Variants in ALK observed in about 807,000 individuals in gnomAD.
ALK encodes the protein ALK receptor tyrosine kinase, also known as ALK tyrosine kinase receptor.
A neutral mutation model predicts 163.1 loss-of-function variants in ALK; 74 were observed. That is an observed-to-expected ratio of 0.45 (90% confidence interval 0.38 to 0.55). The LOEUF (loss-of-function observed/expected upper bound fraction) is 0.55. ALK is among the 20% of genes least tolerant of loss of function. ALK has a pLI of 0.00. For missense variants in ALK, 2,063 were observed against 2,105.3 expected, an observed-to-expected ratio of 0.98 and a Z score of 0.39; for synonymous variants, 960 against 843.2, an observed-to-expected ratio of 1.14 and a Z score of -2.40.
chr2:29,607,323 C>T (rs1257914235), intron 3 of ALK, among the ~76,000 whole-genome samples: 1 of 152,146 alleles, frequency 6.6e-6, no homozygotes, highest in Non-Finnish European at 1.5e-5. Flanking sequence ...ACTTTCTCTC[C>T]TTACTGGATC....
intron 1 of ALK, among the ~76,000 whole-genome samples, chr2:29,845,136 A>G (rs1665808289): frequency 6.6e-6 from 1 of 152,218 alleles, no homozygotes; most frequent in African/African-American, 2.4e-5. Flanking sequence ...CAAGTGGATC[A>G]GGGCTAACAT....
intron 4 of ALK, among the ~76,000 whole-genome samples, chr2:29,470,493 GACACATTACCTCCAA>G (rs1671322724): frequency 6.6e-6 from 1 of 152,134 alleles, no homozygotes; most frequent in Non-Finnish European, 1.5e-5. Context: ...GAGAGGAAAA[GACACATTACCTCCAA>G]ACAAGCATTG....
At position 29,443,830 on chromosome 2, in the gene ALK, T is replaced by C. The variant is rs550969170; in HGVS notation, c.1155-59971A>G. ...CGTGTAGCCTTATAAATACAGGAAGTCCTTATGCCCCAGGCACTCTGAGAG... is the reference window on the plus strand; with the variant it reads ...CGTGTAGCCTTATAAATACAGGAAGCCCTTATGCCCCAGGCACTCTGAGAG... On this transcript the variant is annotated intron_variant, in intron 4 of 28. Transcript: ENST00000389048. 1.5e-4 allele frequency among the ~76,000 whole-genome samples: 23 copies of C among 152,246 alleles called. No homozygotes were observed. The South Asian group carries it at 3.3e-3, about 22-fold the overall frequency.
intron 3 of ALK, among the ~76,000 whole-genome samples, chr2:29,546,443 G>A (rs1673556415): frequency 6.6e-6 from 1 of 152,220 alleles, no homozygotes; most frequent in African/African-American, 2.4e-5. Flanking sequence ...TGACTAGAAG[G>A]AGAAAGGGGA....
intron 3 of ALK, among the ~76,000 whole-genome samples, chr2:29,594,870 G>A (rs1187697343): frequency 9.1e-6 from 1 of 110,250 alleles, no homozygotes; most frequent in Non-Finnish European, 1.7e-5. Flanking sequence ...GTGAAGCTGA[G>A]ACCTCTATTT....
intron 3 of ALK, among the ~76,000 whole-genome samples, chr2:29,649,979 G>A (rs1484495976): frequency 6.6e-6 from 1 of 152,110 alleles, no homozygotes; most frequent in Non-Finnish European, 1.5e-5. Flanking sequence ...AGAGGACAGA[G>A]ACCCTTTGGG....
chr2:29,556,478 T>G (rs551403477), intron 3 of ALK, among the ~76,000 whole-genome samples: 3 of 152,326 alleles, frequency 2.0e-5, no homozygotes, highest in African/African-American at 4.8e-5. Flanking sequence ...AAGACAACTT[T>G]CAATGACGAG....
intron 5 of ALK, among the ~76,000 whole-genome samples, chr2:29,381,641 C>T (rs1449127745): frequency 6.6e-6 from 1 of 152,210 alleles, no homozygotes; most frequent in Non-Finnish European, 1.5e-5. Flanking sequence ...TGCAGACCTT[C>T]CTACAGTCCT....
At position 29,506,536 on chromosome 2, in the gene ALK, G is replaced by A. The variant is rs369052344; in HGVS notation, c.1154+25379C>T. ...CCGAGGCGGGTGGATCATGAGGTCG[G>A]GAGATTGAGACCATCCTGGCCAACA... On this transcript the variant is annotated intron_variant, in intron 4 of 28. Coordinates refer to ENST00000389048, the MANE Select transcript of ALK (RefSeq NM_004304.5). Among the ~76,000 whole-genome samples, 3 of 152,194 alleles carry A rather than the reference G, an allele frequency of 2.0e-5. No individual in the cohort carries two copies. The East Asian group carries it at 5.8e-4, about 29-fold the overall frequency.
intron 11 of ALK, among the ~76,000 whole-genome samples, chr2:29,252,589 T>A (rs1034660542): frequency 6.6e-6 from 1 of 152,190 alleles, no homozygotes; most frequent in Non-Finnish European, 1.5e-5. Flanking sequence ...TGGGTTTTTG[T>A]CATGCTGCCC....
chr2:29,533,474 C>T (rs1384796382), intron 3 of ALK, among the ~76,000 whole-genome samples: 2 of 152,190 alleles, frequency 1.3e-5, no homozygotes, highest in African/African-American at 2.4e-5. Flanking sequence ...GATTTCTGGA[C>T]TTCTAAGCAG....
chr2:29,679,721 GAGA>G (rs1678004077), intron 3 of ALK, among the ~76,000 whole-genome samples: 1 of 109,806 alleles, frequency 9.1e-6, no homozygotes, highest in Non-Finnish European at 2.2e-5. Context: ...AAGATGTTAA[GAGA>G]AGAATAAGAA....
chr2:29,234,914 T>C (rs1664327414), intron 13 of ALK, among the ~76,000 whole-genome samples: 1 of 152,244 alleles, frequency 6.6e-6, no homozygotes, highest in South Asian at 2.1e-4. Flanking sequence ...GGTTTTGCCA[T>C]GTTGGCCAGG....
intron 1 of ALK, among the ~76,000 whole-genome samples, chr2:29,918,887 G>A (rs1221831188): frequency 6.6e-6 from 1 of 152,136 alleles, no homozygotes; most frequent in Admixed American, 6.5e-5. Context: ...ATTTGTGTAG[G>A]CTTTTTAAAA....
At chr2:29,757,593 TTGTGTG>T (rs35768373) in intron 1 of ALK, among the ~76,000 whole-genome samples, 48 of 148,324 alleles carry the variant, frequency 3.2e-4, no homozygotes, top group African/African-American at 1.1e-3. Flanking sequence ...TTTTGTTTGT[TTGTGTG>T]TGTGTGTGTG....
chr2:29,287,859 A>G (rs900845760), intron 9 of ALK, among the ~76,000 whole-genome samples: 6 of 152,000 alleles, frequency 3.9e-5, no homozygotes, highest in Non-Finnish European at 5.9e-5. Context: ...GTGGAAGGCC[A>G]CCCACCAACC....
chr2:29,460,236 ATG>A (rs1207858542), intron 4 of ALK, among the ~76,000 whole-genome samples: 3 of 152,194 alleles, frequency 2.0e-5, no homozygotes, highest in Non-Finnish European at 4.4e-5. Context: ...AAGAGTTTTG[ATG>A]CATGAAAAAA....
In ALK at chr2:29,201,121, T is replaced by C. The variant is rs139950587; in HGVS notation, c.3939-3445A>G. 1.8e-3 allele frequency among the ~76,000 whole-genome samples: 278 copies of C among 151,738 alleles called. 13 individuals are homozygous for C. In the East Asian group the frequency reaches 0.047, roughly 26 times the overall value. ...AAAAAAAACATTGTGGAAGATGGTC[T>C]CCAGGTGTGATAGAGGTTATGCTCT... On this transcript the variant is annotated intron_variant, in intron 26 of 28. Coordinates refer to ENST00000389048, the MANE Select transcript of ALK (RefSeq NM_004304.5).
chr2:29,765,481 ATTT>A lies in ALK; in HGVS notation c.668-47787_668-47785del, dbSNP rs531806818. 1.4e-4 allele frequency among the ~76,000 whole-genome samples: 21 copies of A among 151,684 alleles called. No individual in the cohort carries two copies. In the South Asian group the frequency reaches 4.4e-3, roughly 32 times the overall value. On this transcript the variant is annotated intron_variant, in intron 1 of 28. Transcript: ENST00000389048. The stretch of plus-strand genomic sequence containing the variant: ...CTTGCTTTTATTTTTCTTTTTATTT[ATTT>A]TTTATTTTGCAGAAACAGGGTCCCA...
Sources: gnomAD v4.1 joint callset for allele counts (sites outside exome capture counted in the v4.1 genomes callset) on GRCh38, gnomAD v4.1.1 for gene constraint, MANE v1.5 for transcripts, NCBI Gene and HGNC (gene_info 2026-07-23, HGNC 2026-07-21) for gene names.